The following PSD3 variants were observed in gnomAD, a reference collection of about 807,000 sequenced individuals.
PSD3 encodes the protein PH and SEC7 domain-containing protein 3.
In PSD3, 49 loss-of-function variants were observed where a neutral mutation model predicts 105.5. The ratio of observed to expected loss-of-function variants is 0.46; its 90% CI spans 0.37 to 0.59. The LOEUF is 0.59. PSD3 is among the 20% of genes least tolerant of loss of function. PSD3 has a pLI of 0.00. For synonymous variants in PSD3, 557 were observed against 457.8 expected, an observed-to-expected ratio of 1.22 and a Z score of -2.77; for missense variants, 1,561 against 1,263.8, an observed-to-expected ratio of 1.24 and a Z score of -3.57.
chr8:18,625,006 G>A lies in PSD3; in HGVS notation c.2410+7607C>T, dbSNP rs112695998. On this transcript the variant is annotated intron_variant, in intron 11 of 15. Transcript: ENST00000327040. Reference sequence around the variant, plus strand: ...CTGTCTTGGATTCCCAAAGTATTGGGATTACAGGTGTGAGCCACTGTACCC... The same window carrying A: ...CTGTCTTGGATTCCCAAAGTATTGGAATTACAGGTGTGAGCCACTGTACCC... Among the ~76,000 whole-genome samples the A allele has an allele frequency of 1.2e-3, 179 of 152,156 alleles. 1 individual carries two copies. Among genetic ancestry groups the A allele is most frequent in the African/African-American group, 4.1e-3 (172 of 41,508 alleles).
chr8:18,597,043 T>C (rs981353910), intron 12 of PSD3, among the ~76,000 whole-genome samples: 3 of 152,150 alleles, frequency 2.0e-5, no homozygotes, highest in African/African-American at 4.8e-5. Flanking sequence ...ACATCCATTA[T>C]GAGCATAAAT....
intron 1 of PSD3, among the ~76,000 whole-genome samples, chr8:19,005,035 C>T (rs1034981116): frequency 7.2e-5 from 11 of 152,006 alleles, no homozygotes; most frequent in Non-Finnish European, 8.8e-5. Flanking sequence ...TGGACGAATA[C>T]GAGCCAATAA....
intron 15 of PSD3, among the ~76,000 whole-genome samples, chr8:18,542,515 G>A (rs541419810): frequency 6.6e-6 from 1 of 152,300 alleles, no homozygotes; most frequent in African/African-American, 2.4e-5. Flanking sequence ...CCAGATGGTA[G>A]AAAAGGGAAT....
intron 1 of PSD3, among the ~76,000 whole-genome samples, chr8:19,009,349 G>T (rs189073801): frequency 6.6e-6 from 1 of 152,300 alleles, no homozygotes; most frequent in East Asian, 1.9e-4. Flanking sequence ...CATAAAAACA[G>T]AATGGTGGTT....
chr8:18,667,318 T>C (rs149289762), intron 9 of PSD3, among the ~76,000 whole-genome samples: 4,953 of 152,204 alleles, frequency 0.033, 271 homozygotes, highest in African/African-American at 0.11. Context: ...CCCACTAGAT[T>C]AGCTAGATAC....
At chr8:18,799,193 A>T in intron 8 of PSD3, 102 bp downstream of exon 8, 1 of 1,024,556 alleles carries the variant, frequency 9.8e-7, no homozygotes, top group Non-Finnish European at 1.5e-6. Context: ...GGAACCATGT[A>T]GAGAATGGGA....
intron 9 of PSD3, among the ~76,000 whole-genome samples, chr8:18,660,444 G>A (rs572955112): frequency 3.5e-4 from 53 of 152,256 alleles, no homozygotes; most frequent in Admixed American, 5.2e-4. Context: ...TCAGCAGCCC[G>A]AGGAAACTAA....
intron 9 of PSD3, chr8:18,763,021 A>G: frequency 1.4e-6 from 1 of 705,718 alleles, no homozygotes; most frequent in Non-Finnish European, 2.2e-6. Flanking sequence ...CCAATCCCAC[A>G]ACACCTAGTA....
At chr8:18,801,237 A>T (rs1190871122) in intron 7 of PSD3, 33 bp downstream of exon 7, 2 of 1,330,304 alleles carry the variant, frequency 1.5e-6, no homozygotes, top group Admixed American at 4.2e-5. Flanking sequence ...CCATTGATAT[A>T]AAAAAGAAAT....
At chr8:18,809,038 G>A in intron 4 of PSD3, 1 of 905,986 alleles carries the variant, frequency 1.1e-6, no homozygotes, top group Non-Finnish European at 1.5e-6. Context: ...GTAAGAAACA[G>A]TGAGCCCAGC....
At chr8:18,723,211 G>C (rs1398811185) in intron 9 of PSD3, among the ~76,000 whole-genome samples, 1 of 152,176 alleles carries the variant, frequency 6.6e-6, no homozygotes, top group Non-Finnish European at 1.5e-5. Flanking sequence ...TGTGGCTGCA[G>C]ATGACACGTG....
At chr8:19,041,793 A>AGAT (rs1308228081) in intron 1 of PSD3, among the ~76,000 whole-genome samples, 1 of 152,232 alleles carries the variant, frequency 6.6e-6, no homozygotes, top group Non-Finnish European at 1.5e-5. Flanking sequence ...TTTCTGACGC[A>AGAT]TTATTTATCC....
chr8:18,968,983 A>C (rs886097944), intron 1 of PSD3, among the ~76,000 whole-genome samples: 1 of 152,162 alleles, frequency 6.6e-6, no homozygotes, highest in African/African-American at 2.4e-5. Context: ...AGACAATTCC[A>C]AAGAAAAAAG....
chr8:18,731,930 G>C (rs181896369), intron 9 of PSD3, among the ~76,000 whole-genome samples: 1 of 152,218 alleles, frequency 6.6e-6, no homozygotes, highest in Admixed American at 6.5e-5. Flanking sequence ...AGCTATTTGA[G>C]GAGTCTGAGA....
intron 2 of PSD3, among the ~76,000 whole-genome samples, chr8:18,891,045 A>C (rs1263088211): frequency 1.3e-5 from 2 of 152,194 alleles, no homozygotes; most frequent in African/African-American, 4.8e-5. Flanking sequence ...GGTCTCTGTC[A>C]GTCCCTGTTA....
At chr8:18,546,207 T>A (rs1480825031) in intron 15 of PSD3, among the ~76,000 whole-genome samples, 1 of 152,154 alleles carries the variant, frequency 6.6e-6, no homozygotes, top group African/African-American at 2.4e-5. Flanking sequence ...ATGTTCGCCA[T>A]GCTGGTCTCG....
intron 6 of PSD3, 70 bp from the exon 7 acceptor site, chr8:18,801,452 G>T: frequency 1.2e-6 from 1 of 827,770 alleles, no homozygotes; most frequent in Non-Finnish European, 2.0e-6. Context: ...ATAGTTAAAA[G>T]TCAATTTATA....
rs868151376 is a variant in PSD3, at chr8:18,916,333, T to C, written c.130+19701A>G. ...ATATATATATATATATATATATATA[T>C]ATATATATATATATATACACACACA... On this transcript the variant is annotated intron_variant, in intron 2 of 15. Transcript: ENST00000327040. Among the ~76,000 whole-genome samples, 15 of 46,278 alleles carry C rather than the reference T, an allele frequency of 3.2e-4. 1 individual carries two copies. Among genetic ancestry groups the C allele is most frequent in the African/African-American group, 1.3e-3 (11 of 8,538 alleles). 30.4% of individuals were successfully genotyped at this position (46,278 alleles called of 152,430 possible). A position where few individuals can be genotyped will look rare whatever the true frequency, so the allele number is the denominator to read the frequency against.
chr8:19,081,560 A>G lies in PSD3; in HGVS notation c.324+2646T>C, dbSNP rs551320100. 3.9e-4 allele frequency among the ~76,000 whole-genome samples: 60 copies of G among 152,336 alleles called. No individual in the cohort carries two copies. In the South Asian group the frequency reaches 9.5e-3, roughly 24 times the overall value. ...GGGTGATAATAACATACATCCTTGC[A>G]GAATTTCGAGATTTTCATAAGAGGA... On this transcript the variant is annotated intron_variant, in intron 1 of 1. Transcript: ENST00000521475.
Sources: gnomAD v4.1 joint callset for allele counts (sites outside exome capture counted in the v4.1 genomes callset) on GRCh38, gnomAD v4.1.1 for gene constraint, MANE v1.5 for transcripts, NCBI Gene and HGNC (gene_info 2026-07-23, HGNC 2026-07-21) for gene names.